CSMD1: variants seen among roughly 807,000 people sequenced by gnomAD.
CSMD1 encodes the protein CUB and sushi domain-containing protein 1.
CSMD1 carries 213 observed loss-of-function variants against 417.5 expected under a neutral mutation model. The ratio of observed to expected loss-of-function variants is 0.51; its 90% CI spans 0.46 to 0.57. The LOEUF (loss-of-function observed/expected upper bound fraction) is 0.57, where lower values mean the gene tolerates loss of function less well. Among genes scored for constraint, CSMD1 ranks in the 20% least tolerant of loss-of-function variants. The pLI is 0.00. For synonymous variants in CSMD1, 2,862 were observed against 1,736.8 expected (o/e 1.65, Z -16.11); for missense variants, 6,923 against 4,529.7 (o/e 1.53, Z -15.17).
At chr8:3,597,824 C>G (rs540417264) in intron 8 of CSMD1, among the ~76,000 whole-genome samples, 1 of 151,606 alleles carries the variant, frequency 6.6e-6, no homozygotes, top group Non-Finnish European at 1.5e-5. Flanking sequence ...CATCACACAC[C>G]GGGGCCTGTC....
rs1798360332 is a variant in CSMD1 at position 3,660,518 on chromosome 8, T to A, written c.1010-43721A>T. ...TTTTTTTTTTTTTTTTTTTTTTTTT[T>A]TTTTTTTTTTTTTTTTTTTTGAAAA... On this transcript the variant is annotated intron_variant, in intron 7 of 69. Transcript: ENST00000635120. Among the ~76,000 whole-genome samples, 4 of 5,204 alleles carry A rather than the reference T, an allele frequency of 7.7e-4. 1 individual carries two copies. In the South Asian group the frequency reaches 0.038, roughly 50 times the overall value. 3.4% of individuals were successfully genotyped at this position (5,204 alleles called of 152,430 possible). A position where few individuals can be genotyped will look rare whatever the true frequency, so the allele number is the denominator to read the frequency against.
chr8:3,294,445 C>G (rs916890020), intron 25 of CSMD1, among the ~76,000 whole-genome samples: 1 of 152,170 alleles, frequency 6.6e-6, no homozygotes, highest in African/African-American at 2.4e-5. Flanking sequence ...GGCAGGCAGG[C>G]TTCCTTGAGC....
intron 1 of CSMD1, among the ~76,000 whole-genome samples, chr8:4,755,565 T>C (rs1227945562): frequency 6.6e-6 from 1 of 152,330 alleles, no homozygotes; most frequent in East Asian, 1.9e-4. Context: ...TTTGATGTAA[T>C]TTTTTGATGT....
intron 8 of CSMD1, among the ~76,000 whole-genome samples, chr8:3,602,912 C>T (rs1402611679): frequency 6.6e-6 from 1 of 152,024 alleles, no homozygotes; most frequent in Non-Finnish European, 1.5e-5. Flanking sequence ...GTAACAATCA[C>T]CTATTTTCTC....
intron 3 of CSMD1, among the ~76,000 whole-genome samples, chr8:4,055,700 C>T (rs537224595): frequency 4.6e-5 from 7 of 152,044 alleles, no homozygotes; most frequent in Admixed American, 2.0e-4. Context: ...TTTGAAAAAT[C>T]ACCATGTATT....
chr8:4,918,491 C>A (rs906666101), intron 1 of CSMD1, among the ~76,000 whole-genome samples: 1 of 151,962 alleles, frequency 6.6e-6, no homozygotes, highest in Non-Finnish European at 1.5e-5. Flanking sequence ...ATGTGTATGT[C>A]TGCTCCAATA....
In CSMD1 at chr8:3,065,296, TAGATAGGTAGATAGATAGATAGAC is replaced by T. The variant is rs1563298787; in HGVS notation, c.7475-12673_7475-12650del. ...GGAATATGATACATAGATAGATAGA[TAGATAGGTAGATAGATAGATAGAC>T]AGACAGACAACAGATAGAAAGATAG... On this transcript the variant is annotated intron_variant, in intron 49 of 69. Transcript: ENST00000635120. Among the ~76,000 whole-genome samples the T allele has an allele frequency of 3.3e-3, 439 of 133,530 alleles. 3 individuals are homozygous for T. The highest frequency in any genetic ancestry group is 0.011 in the African/African-American group (406 of 36,698). 87.6% of individuals were successfully genotyped at this position (133,530 alleles called of 152,430 possible). A position where few individuals can be genotyped will look rare whatever the true frequency, so the allele number is the denominator to read the frequency against.
At chr8:3,347,815 G>A (rs77376123) in intron 22 of CSMD1, among the ~76,000 whole-genome samples, 177 bp downstream of exon 22, 3,005 of 152,248 alleles carry the variant, frequency 0.02, 101 homozygotes, top group African/African-American at 0.068. Context: ...CACATACACT[G>A]CTCTAAGCGA....
chr8:3,780,140 C>T (rs1351191157), intron 5 of CSMD1, among the ~76,000 whole-genome samples: 6 of 152,162 alleles, frequency 3.9e-5, no homozygotes, highest in East Asian at 1.9e-4. Context: ...CCTGTGCCAT[C>T]GGGGTGAAAC....
intron 5 of CSMD1, among the ~76,000 whole-genome samples, chr8:3,761,335 C>A (rs1164419473): frequency 6.6e-6 from 1 of 151,904 alleles, no homozygotes; most frequent in African/African-American, 2.4e-5. Context: ...TACATAGTTA[C>A]CAATATTTCT....
At chr8:3,845,603 G>A (rs145234788) in intron 5 of CSMD1, among the ~76,000 whole-genome samples, 8 of 152,118 alleles carry the variant, frequency 5.3e-5, no homozygotes, top group East Asian at 1.9e-4. Flanking sequence ...ACACTACTGC[G>A]GGATCTATAA....
chr8:3,435,035 G>T (rs569620430), intron 12 of CSMD1, among the ~76,000 whole-genome samples: 7 of 151,394 alleles, frequency 4.6e-5, no homozygotes, highest in Non-Finnish European at 7.4e-5. Flanking sequence ...CTGGGAGCTG[G>T]TAGCAGAGAG....
In CSMD1 at chr8:4,549,671, T is replaced by G. The variant is rs112659658; in HGVS notation, c.302+87671A>C. On this transcript the variant is annotated intron_variant, in intron 2 of 69. Coordinates refer to ENST00000635120, the MANE Select transcript of CSMD1 (RefSeq NM_033225.6). Reference sequence around the variant, plus strand: ...TGGGAGGCTGAGGCAGGAAGATCACTTGAGTTCAGGAGTTCAAGACCAGCC... The same window carrying G: ...TGGGAGGCTGAGGCAGGAAGATCACGTGAGTTCAGGAGTTCAAGACCAGCC... Among the ~76,000 whole-genome samples, 207 of 151,996 alleles carry G rather than the reference T, an allele frequency of 1.4e-3. 1 individual carries two copies. The highest frequency in any genetic ancestry group is 4.8e-3 in the African/African-American group (200 of 41,458).
At chr8:4,826,781 A>G (rs1409868217) in intron 1 of CSMD1, among the ~76,000 whole-genome samples, 2 of 152,166 alleles carry the variant, frequency 1.3e-5, no homozygotes, top group African/African-American at 4.8e-5. Context: ...TCCCTCTGCT[A>G]TATGGAAGTA....
At chr8:3,144,387 A>G (rs906813035) in intron 40 of CSMD1, among the ~76,000 whole-genome samples, 6 of 152,190 alleles carry the variant, frequency 3.9e-5, no homozygotes, top group African/African-American at 1.4e-4. Context: ...AAGAGGATGA[A>G]TTAAAAAAAA....
chr8:3,359,253 G>A lies in CSMD1; in HGVS notation c.3203C>T (p.Thr1068Met), dbSNP rs373654565. The A allele has an allele frequency of 4.5e-5, 73 of 1,613,702 alleles. 1 individual carries two copies. The highest frequency in any genetic ancestry group is 1.7e-4 in the Admixed American group (10 of 59,980). ...GFHFGVGDSL[T>M]FSCFLGYRLE... ...ACGATATCCCAGGAAGCAGGAAAACGTCAGAGAGTCTCCCACACCAAAGTG... is the reference window on the plus strand; with the variant it reads ...ACGATATCCCAGGAAGCAGGAAAACATCAGAGAGTCTCCCACACCAAAGTG... Residue 1068 changes from threonine (T) to methionine (M), a missense_variant, in exon 21 of 70, where the codon ACG becomes ATG. Physicochemically the swap from Thr to Met is moderately conservative, Grantham distance 81. Coordinates refer to ENST00000635120, the MANE Select transcript of CSMD1 (RefSeq NM_033225.6).
At chr8:3,351,530 G>A (rs1808421284) in intron 21 of CSMD1, among the ~76,000 whole-genome samples, 1 of 149,326 alleles carries the variant, frequency 6.7e-6, no homozygotes, top group Non-Finnish European at 1.5e-5. Context: ...CCAGGAAGCA[G>A]AAGTTACAGT....
At chr8:3,760,337 T>C (rs1389486413) in intron 5 of CSMD1, among the ~76,000 whole-genome samples, 1 of 152,186 alleles carries the variant, frequency 6.6e-6, no homozygotes, top group African/African-American at 2.4e-5. Context: ...TTCAGAGGAT[T>C]CAACTGGGTT....
chr8:4,026,380 A>G (rs1563333702), intron 4 of CSMD1, among the ~76,000 whole-genome samples: 1 of 152,250 alleles, frequency 6.6e-6, no homozygotes, highest in Non-Finnish European at 1.5e-5. Flanking sequence ...AAGCACACTG[A>G]TCTCATTGGG....
Sources: allele counts gnomAD v4.1 joint callset (sites outside exome capture counted in the v4.1 genomes callset), GRCh38; gene constraint gnomAD v4.1.1; transcripts MANE v1.5; gene names NCBI Gene and HGNC (gene_info 2026-07-23, HGNC 2026-07-21).